The following PNPT1 variants were observed in gnomAD, a reference collection of about 807,000 sequenced individuals.
PNPT1 encodes the protein polyribonucleotide nucleotidyltransferase 1, mitochondrial.
In PNPT1, 53 loss-of-function variants were observed where a neutral mutation model predicts 119.5. The ratio of observed to expected loss-of-function variants is 0.44; its 90% confidence interval spans 0.36 to 0.56. The LOEUF (loss-of-function observed/expected upper bound fraction) is 0.56, where lower values mean the gene tolerates loss of function less well. Among genes scored for constraint, PNPT1 ranks in the 20% least tolerant of loss-of-function variants. PNPT1 has a pLI of 0.00. For missense variants in PNPT1, 948 were observed against 938.5 expected (o/e 1.01, Z -0.13); for synonymous variants, 357 against 322.1 (o/e 1.11, Z -1.16).
intron 3 of PNPT1, 73 bp downstream of exon 3, chr2:55,686,297 T>C (rs1011161923): frequency 7.7e-6 from 11 of 1,427,500 alleles, no homozygotes; most frequent in Middle Eastern, 1.8e-4. Context: ...CACTAGACAC[T>C]GGACAAAAAT....
At chr2:55,643,065 A>G in intron 25 of PNPT1, 93 bp downstream of exon 25, 1 of 1,357,292 alleles carries the variant, frequency 7.4e-7, no homozygotes. Flanking sequence ...TGTGAGGTAC[A>G]ATGGCACCAC....
At position 55,646,166 on chromosome 2, in the gene PNPT1, T is replaced by A. The variant is rs2627776; in HGVS notation, c.1738+93A>T. On this transcript the variant is annotated intron_variant, in intron 21 of 27. Transcript: ENST00000447944. ...CTAAGTTATATGAAATTCCACTTTT[T>A]AAAGCAATATTTTATAATAAGCCTA... is the stretch of plus-strand genomic sequence containing the variant. The A allele has an allele frequency of 0.48, 607,672 of 1,254,992 alleles. 154,066 individuals are homozygous for A. The highest frequency in any genetic ancestry group is 0.52 in the Non-Finnish European group (470,801 of 899,374). The allele number at this position is 1,254,992 out of a possible 1,614,324, so 77.7% of individuals were successfully genotyped here.
In PNPT1 at chr2:55,667,093, C is replaced by T; in HGVS notation, c.1074G>A (p.Arg358=). The stretch of plus-strand genomic sequence containing the variant: ...GTGAAGTCAAATCCCGACCATCGCA[C>T]CTATAGTGATATAGGAAATAAGTAC... The part of the protein sequence containing the change: ...FRSIVLNEYK[R]CDGRDLTSLR... Residue 358 remains arginine, a splice_region_variant and synonymous_variant, in exon 13 of 28, where the codon AGG becomes AGA. Transcript: ENST00000447944. 6.2e-7 allele frequency: 1 copy of T among 1,608,946 alleles called. No individual in the cohort carries two copies. The highest frequency in any genetic ancestry group is 8.5e-7 in the Non-Finnish European group (1 of 1,176,178).
intron 25 of PNPT1, among the ~76,000 whole-genome samples, chr2:55,642,522 C>T (rs573175570): frequency 7.0e-6 from 1 of 143,448 alleles, no homozygotes; most frequent in South Asian, 2.3e-4. Flanking sequence ...GGCAGAATGG[C>T]GTGAACCCGG....
At chr2:55,687,368 A>G (rs1323398132) in intron 2 of PNPT1, among the ~76,000 whole-genome samples, 3 of 152,048 alleles carry the variant, frequency 2.0e-5, no homozygotes, top group East Asian at 1.9e-4. Flanking sequence ...TGAACCCAGG[A>G]GGCAGAGGTT....
At chr2:55,691,943 A>C (rs1697632489) in intron 1 of PNPT1, among the ~76,000 whole-genome samples, 1 of 139,182 alleles carries the variant, frequency 7.2e-6, no homozygotes, top group Non-Finnish European at 1.5e-5. Flanking sequence ...CTGGAGTGCA[A>C]TGGCACGATC....
At position 55,671,980 on chromosome 2, in the gene PNPT1, C is replaced by T. The variant is rs1696929827; in HGVS notation, c.918+15G>A. On this transcript the variant is annotated intron_variant, in intron 10 of 27. Coordinates refer to ENST00000447944, the MANE Select transcript of PNPT1 (RefSeq NM_033109.5). ...CCTAGGGCAATTATGGAAGACAAAA[C>T]TCAGGTATACCTACTTTGTCATGCT... The T allele has an allele frequency of 1.9e-6, 3 of 1,573,796 alleles. No homozygotes were observed. The highest frequency in any genetic ancestry group is 2.6e-6 in the Non-Finnish European group (3 of 1,159,216).
intron 13 of PNPT1, among the ~76,000 whole-genome samples, chr2:55,664,678 C>T: frequency 6.6e-6 from 1 of 152,080 alleles, no homozygotes; most frequent in East Asian, 1.9e-4. Flanking sequence ...TAAATTCAAT[C>T]ACATCAATGA....
chr2:55,677,832 C>G (rs560958728), intron 8 of PNPT1, among the ~76,000 whole-genome samples: 1 of 150,506 alleles, frequency 6.6e-6, no homozygotes, highest in Non-Finnish European at 1.5e-5. Flanking sequence ...CTCTGCCTCC[C>G]GGGTTCACGC....
Position 55,636,212 on chromosome 2 carries a change from C to T in PNPT1, c.*25G>A. 2 of 1,554,840 alleles carry T rather than the reference C, an allele frequency of 1.3e-6. No individual in the cohort carries two copies. Among genetic ancestry groups the T allele is most frequent in the Non-Finnish European group, 1.8e-6 (2 of 1,140,462 alleles). ...ACATCACCCTAGACAAAATAGAATT[C>T]TAGAATTCTCTTTAAAAAAAAAAAT... On this transcript the variant is annotated 3_prime_UTR_variant, in exon 28 of 28. Coordinates refer to ENST00000447944, the MANE Select transcript of PNPT1 (RefSeq NM_033109.5).
At chr2:55,654,759 A>C in intron 18 of PNPT1, 141 bp downstream of exon 18, 1 of 633,418 alleles carries the variant, frequency 1.6e-6, no homozygotes, top group Non-Finnish European at 2.8e-6. Flanking sequence ...TCTTTTTTGT[A>C]GAGATGAGGT....
chr2:55,685,919 C>G (rs948553889), intron 3 of PNPT1, among the ~76,000 whole-genome samples: 6 of 152,072 alleles, frequency 3.9e-5, no homozygotes, highest in Non-Finnish European at 7.4e-5. Context: ...AGTTTTTATA[C>G]CGTATTGCGT....
At chr2:55,665,299 C>T (rs188728407) in intron 13 of PNPT1, among the ~76,000 whole-genome samples, 9 of 152,196 alleles carry the variant, frequency 5.9e-5, no homozygotes, top group Admixed American at 1.3e-4. Context: ...GGTCTACATT[C>T]GACAGCTAAA....
chr2:55,675,839 G>A (rs1697050084), intron 8 of PNPT1, among the ~76,000 whole-genome samples: 2 of 152,140 alleles, frequency 1.3e-5, no homozygotes, highest in South Asian at 4.1e-4. Context: ...TGGTTCCTCA[G>A]TTACTCTAGC....
intron 13 of PNPT1, among the ~76,000 whole-genome samples, chr2:55,663,976 G>A (rs1285005867): frequency 6.6e-6 from 1 of 152,076 alleles, no homozygotes; most frequent in Admixed American, 6.6e-5. Flanking sequence ...GCGACAGAAG[G>A]AGACTCCATC....
chr2:55,672,576 T>C (rs919777946), intron 9 of PNPT1, among the ~76,000 whole-genome samples: 7 of 152,368 alleles, frequency 4.6e-5, no homozygotes, highest in African/African-American at 1.7e-4. Flanking sequence ...TTTTTGAGAA[T>C]TCCAACAGTT....
chr2:55,646,336 GT>G lies in PNPT1; in HGVS notation c.1675-15del, dbSNP rs759126333. 3.1e-6 allele frequency: 5 copies of G among 1,607,596 alleles called. No homozygotes were observed. In the East Asian group the frequency reaches 1.1e-4, roughly 36 times the overall value. Reference sequence around the variant, plus strand: ...TTTAATATCAGCCTAATATGGAAAAGTCAAACAATTATATAAATATTGACTC... The same window carrying G: ...TTTAATATCAGCCTAATATGGAAAAGCAAACAATTATATAAATATTGACTC... On this transcript the variant is annotated splice_polypyrimidine_tract_variant and intron_variant, in intron 20 of 27. Transcript: ENST00000447944.
chr2:55,635,457 G>A lies in PNPT1; in HGVS notation c.*780C>T, dbSNP rs925753178. 7.2e-5 allele frequency: 11 copies of A among 152,312 alleles called. No homozygotes were observed. The highest frequency in any genetic ancestry group is 2.4e-4 in the African/African-American group (10 of 41,530). 9.4% of individuals were successfully genotyped at this position (152,312 alleles called of 1,614,324 possible). A position where few individuals can be genotyped will look rare whatever the true frequency, so the allele number is the denominator to read the frequency against. On this transcript the variant is annotated 3_prime_UTR_variant, in exon 28 of 28. Transcript: ENST00000447944. ...AGCCTCCTGAGTAGCTAGGATTACA[G>A]GCATGCGCCACCACGCCCGGCTAAT...
In PNPT1 at chr2:55,693,810, C is replaced by T. The variant is rs778462144; in HGVS notation, c.14G>A (p.Arg5Lys). ...GAGCCGGAGGCACGAGCAGCAGTAC[C>T]TGCAGGCCGCCATGACACCCGGCAC... MAAC[R>K]YCCSCLRLRP... The change falls in exon 1 of 28, where the codon AGG becomes AAG. Residue 5 changes from arginine (R) to lysine (K), a missense_variant. Transcript: ENST00000447944. 4.3e-6 allele frequency: 7 copies of T among 1,613,754 alleles called. No homozygotes were observed. Among genetic ancestry groups the T allele is most frequent in the Non-Finnish European group, 5.1e-6 (6 of 1,180,036 alleles).
Sources: allele counts gnomAD v4.1 joint callset (sites outside exome capture counted in the v4.1 genomes callset), GRCh38; gene constraint gnomAD v4.1.1; transcripts MANE v1.5; gene names NCBI Gene and HGNC (gene_info 2026-07-23, HGNC 2026-07-21).